The following AHDC1 variants were observed in gnomAD, a reference collection of about 807,000 sequenced individuals.
The protein encoded by AHDC1 is transcription factor Gibbin.
AHDC1 carries 7 observed loss-of-function variants against 87.9 expected under a neutral mutation model. The observed-to-expected ratio is 0.08, with a 90% CI of 0.05 to 0.15. The LOEUF (loss-of-function observed/expected upper bound fraction) is 0.15, where lower values mean the gene tolerates loss of function less well. Among genes scored for constraint, AHDC1 ranks in the 10% least tolerant of loss-of-function variants. AHDC1 has a pLI of 1.00. For missense variants in AHDC1, 1,841 were observed against 2,253.2 expected (o/e 0.82, Z 3.70); for synonymous variants, 1,051 against 1,006.8 (o/e 1.04, Z -0.83).
chr1:27,568,484 G>A (rs1278248426), intron 3 of AHDC1, among the ~76,000 whole-genome samples: 1 of 152,124 alleles, frequency 6.6e-6, no homozygotes, highest in Admixed American at 6.5e-5. Flanking sequence ...GAAGGGCGAG[G>A]CCTTCAACGG....
rs187602436 is a variant in AHDC1, at chr1:27,542,046, A to T, written c.*43+5215T>A. On this transcript the variant is annotated intron_variant, in intron 8 of 8. Transcript: ENST00000673934. ...TACAATGCCTGGCCCCAAGCAGGTC[A>T]CTAGCTCATGTGTGTGAACACAGAA... Among the ~76,000 whole-genome samples the T allele has an allele frequency of 3.3e-5, 5 of 152,388 alleles. No homozygotes were observed. The East Asian group carries it at 9.6e-4, about 29-fold the overall frequency.
At chr1:27,603,531 C>T (rs980752008) in intron 2 of AHDC1, 37 bp from the exon 3 acceptor site, 2 of 152,452 alleles carry the variant, frequency 1.3e-5, no homozygotes, top group African/African-American at 4.8e-5. Flanking sequence ...CTGAGCCGCC[C>T]GCCGTCGCTG....
rs1030778197 is a variant in AHDC1, at chr1:27,598,228, C to T, written c.-629+5169G>A. Among the ~76,000 whole-genome samples, 1 of 152,222 alleles carries T rather than the reference C, an allele frequency of 6.6e-6. No homozygotes were observed. Among genetic ancestry groups the T allele is most frequent in the Non-Finnish European group, 1.5e-5 (1 of 68,040 alleles). On this transcript the variant is annotated intron_variant, in intron 3 of 8. Transcript: ENST00000673934. This position sits in a 1 kb window ranked among gnomAD's most constrained non-coding sequence, Gnocchi z 4.2. ...CTGCAGAAGCAGCCCCTCCCCTGGG[C>T]TCCCAGGCCAAGGACCCCAGAGCAG...
chr1:27,556,740 A>G (rs1413880194), intron 5 of AHDC1, among the ~76,000 whole-genome samples: 1 of 152,124 alleles, frequency 6.6e-6, no homozygotes, highest in African/African-American at 2.4e-5. Context: ...GCTTCTGTAA[A>G]TCAAACTTCT....
chr1:27,562,790 C>T lies in AHDC1; in HGVS notation c.-628-3907G>A, dbSNP rs1270583256. On this transcript the variant is annotated intron_variant, in intron 3 of 8. Transcript: ENST00000673934. The surrounding 1 kb of genome is among the most constrained non-coding windows in gnomAD (Gnocchi z 4.4). The stretch of plus-strand genomic sequence containing the variant: ...CATGTCGTCTCTTTAGAGTGAGACA[C>T]GAGCTCCCAAGTTACTGACAACTTC... Among the ~76,000 whole-genome samples, 1 of 152,174 alleles carries T rather than the reference C, an allele frequency of 6.6e-6. No homozygotes were observed. Among genetic ancestry groups the T allele is most frequent in the Non-Finnish European group, 1.5e-5 (1 of 68,024 alleles).
chr1:27,538,330 G>A (rs2018738771), intron 8 of AHDC1, among the ~76,000 whole-genome samples: 1 of 148,748 alleles, frequency 6.7e-6, no homozygotes, highest in Non-Finnish European at 1.5e-5. Flanking sequence ...TTGAACCCAG[G>A]AAGCGGAGGT....
chr1:27,551,344 G>A lies in AHDC1; in HGVS notation c.772C>T (p.Leu258=). The A allele has an allele frequency of 6.2e-7, 1 of 1,613,498 alleles. No individual in the cohort carries two copies. Among genetic ancestry groups the A allele is most frequent in the Admixed American group, 1.7e-5 (1 of 60,034 alleles). ...GGCTCGAGGGCCTGGGCCTCTAGCA[G>A]CTGGGCCTCTGGGCAAGTGAGGGAG... The part of the protein sequence containing the change: ...LASLTCPEAQ[L]LEAQALEPPS... The change falls in exon 8 of 9, where the codon CTG becomes TTG. Residue 258 remains leucine, a synonymous_variant. Transcript: ENST00000673934.
rs914876021 is a variant in AHDC1 at position 27,590,640 on chromosome 1, A to G, written c.-629+12757T>C. On this transcript the variant is annotated intron_variant, in intron 3 of 8. Coordinates refer to ENST00000673934, the MANE Select transcript of AHDC1 (RefSeq NM_001371928.1). This position sits in a 1 kb window ranked among gnomAD's most constrained non-coding sequence, Gnocchi z 5.4. Reference sequence around the variant, plus strand: ...CATCTGTTAAATCCCTCTTGGTCTTAGCTCTCCTTCCTGGCTGGGCTGAGA... The same window carrying G: ...CATCTGTTAAATCCCTCTTGGTCTTGGCTCTCCTTCCTGGCTGGGCTGAGA... 5.9e-5 allele frequency among the ~76,000 whole-genome samples: 9 copies of G among 152,094 alleles called. No individual in the cohort carries two copies. Among genetic ancestry groups the G allele is most frequent in the Admixed American group, 5.2e-4 (8 of 15,280 alleles).
intron 3 of AHDC1, among the ~76,000 whole-genome samples, chr1:27,601,240 T>C (rs986863822): frequency 6.6e-6 from 1 of 152,244 alleles, no homozygotes; most frequent in Non-Finnish European, 1.5e-5. Context: ...AAAATAAATA[T>C]CGGCACGTGG....
chr1:27,597,402 G>T (rs2089406889), intron 3 of AHDC1, among the ~76,000 whole-genome samples: 1 of 151,854 alleles, frequency 6.6e-6, no homozygotes, highest in African/African-American at 2.4e-5. Flanking sequence ...AGAGACGCAG[G>T]GCCTGTGTAG....
At chr1:27,604,224 C>A (rs2089622508), upstream of AHDC1, 1 of 151,148 alleles carries the variant, frequency 6.6e-6, no homozygotes, top group African/African-American at 2.4e-5. Context: ...GACTTGTAGT[C>A]CCCGCCCCGG....
chr1:27,553,910 TA>T (rs2019689143), intron 5 of AHDC1, among the ~76,000 whole-genome samples: 1 of 151,792 alleles, frequency 6.6e-6, no homozygotes, highest in African/African-American at 2.4e-5. Context: ...TACAAAAATT[TA>T]AAAATTAGCT....
At chr1:27,575,730 G>C (rs1210032626) in intron 3 of AHDC1, among the ~76,000 whole-genome samples, 1 of 151,744 alleles carries the variant, frequency 6.6e-6, no homozygotes, top group African/African-American at 2.4e-5. Context: ...CCGGGCGGGG[G>C]CCAAGCCGGC....
In AHDC1 at chr1:27,547,236, A is replaced by C; in HGVS notation, c.*43+25T>G. The C allele has an allele frequency of 6.9e-7, 1 of 1,456,404 alleles. No individual in the cohort carries two copies. The highest frequency in any genetic ancestry group is 9.2e-7 in the Non-Finnish European group (1 of 1,087,492). 90.2% of individuals were successfully genotyped at this position (1,456,404 alleles called of 1,614,324 possible). A position where few individuals can be genotyped will look rare whatever the true frequency, so the allele number is the denominator to read the frequency against. ...TCTTCCCACCCCCAGGCCTCTGCCC[A>C]CTGCGCCCACATCCCCAGACTCACC... On this transcript the variant is annotated intron_variant, in intron 8 of 8. Transcript: ENST00000673934. This position sits in a 1 kb window ranked among gnomAD's most constrained non-coding sequence, Gnocchi z 4.9.
rs1018009823 is a variant in AHDC1 at position 27,560,979 on chromosome 1, T to C, written c.-628-2096A>G. Among the ~76,000 whole-genome samples the C allele has an allele frequency of 3.3e-5, 5 of 152,104 alleles. No homozygotes were observed. Among genetic ancestry groups the C allele is most frequent in the Non-Finnish European group, 7.4e-5 (5 of 67,984 alleles). ...CCCTCCCTTCCTCTCTCTCTCTCTCTGTAGGAGCCAGACAACTCCCCAAGC... is the reference window on the plus strand; with the variant it reads ...CCCTCCCTTCCTCTCTCTCTCTCTCCGTAGGAGCCAGACAACTCCCCAAGC... On this transcript the variant is annotated intron_variant, in intron 3 of 8. Coordinates refer to ENST00000673934, the MANE Select transcript of AHDC1 (RefSeq NM_001371928.1). This position sits in a 1 kb window ranked among gnomAD's most constrained non-coding sequence, Gnocchi z 4.1.
At chr1:27,553,808 G>A (rs993513642) in intron 5 of AHDC1, among the ~76,000 whole-genome samples, 7 of 152,194 alleles carry the variant, frequency 4.6e-5, no homozygotes, top group African/African-American at 1.7e-4. Flanking sequence ...GCTCACACCT[G>A]TAATCCCAGC....
At chr1:27,554,837 G>T (rs369272544) in intron 5 of AHDC1, among the ~76,000 whole-genome samples, 34 of 152,190 alleles carry the variant, frequency 2.2e-4, no homozygotes, top group African/African-American at 7.5e-4. Context: ...ACTCCCCTTT[G>T]GGGGACAGCG....
chr1:27,575,458 G>C lies in AHDC1; in HGVS notation c.-628-16575C>G, dbSNP rs577117130. Among the ~76,000 whole-genome samples the C allele has an allele frequency of 4.7e-4, 71 of 152,192 alleles. 1 individual carries two copies. Among genetic ancestry groups the C allele is most frequent in the South Asian group, 3.7e-3 (18 of 4,828 alleles). On this transcript the variant is annotated intron_variant, in intron 3 of 8. Transcript: ENST00000673934. ...CTCCCGCAGTCTGGGGCCGGGCGGC[G>C]AGGTCTCCCCCCACCACCCTCGCCG... is the stretch of plus-strand genomic sequence containing the variant.
At chr1:27,600,765 T>A (rs1297552452) in intron 3 of AHDC1, among the ~76,000 whole-genome samples, 1 of 152,166 alleles carries the variant, frequency 6.6e-6, no homozygotes, top group Non-Finnish European at 1.5e-5. Flanking sequence ...TTTAACCTTT[T>A]GAATCCAAGT....
Sources: allele counts gnomAD v4.1 joint callset (sites outside exome capture counted in the v4.1 genomes callset), GRCh38; gene constraint gnomAD v4.1.1; non-coding constraint Gnocchi (gnomAD v3.1); transcripts MANE v1.5; gene names NCBI Gene and HGNC (gene_info 2026-07-23, HGNC 2026-07-21).